Variants in PCM1 observed in about 807,000 individuals in gnomAD.
The protein encoded by PCM1 is pericentriolar material 1 protein.
PCM1 carries 157 observed loss-of-function variants against 241.9 expected under a neutral mutation model. That is an observed-to-expected ratio of 0.65 (90% CI 0.57 to 0.74). The LOEUF is 0.74. Among genes scored for constraint, PCM1 ranks in the 30% least tolerant of loss-of-function variants. The pLI is 0.00. For missense variants in PCM1, 3,478 were observed against 2,360.1 expected (o/e 1.47, Z -9.81); for synonymous variants, 1,085 against 784.9 (o/e 1.38, Z -6.39).
chr8:17,966,120 G>C lies in PCM1; in HGVS notation c.2977G>C (p.Val993Leu), dbSNP rs764474551. Reference sequence around the variant, plus strand: ...TCGTTGGGTGTCAGAGCTCTCTTACGTAGAAGAGAAAGAACAATGGCAAGA... The same window carrying C: ...TCGTTGGGTGTCAGAGCTCTCTTACCTAGAAGAGAAAGAACAATGGCAAGA... ...NLRWVSELSYVEEKEQWQEQI... is the reference protein window; with the variant it reads ...NLRWVSELSYLEEKEQWQEQI... The change falls in exon 19 of 39, where the codon GTA (valine) becomes CTA (leucine). Residue 993 changes from valine (V) to leucine (L), a missense_variant. Physicochemically the swap from Val to Leu is conservative, Grantham distance 32 (BLOSUM62 1). Transcript: ENST00000325083. 2 of 1,612,546 alleles carry C rather than the reference G, an allele frequency of 1.2e-6. No homozygotes were observed. Among genetic ancestry groups the C allele is most frequent in the Non-Finnish European group, 1.7e-6 (2 of 1,178,606 alleles).
intron 38 of PCM1, among the ~76,000 whole-genome samples, chr8:18,026,904 T>TA (rs2094266250): frequency 6.6e-6 from 1 of 152,216 alleles, no homozygotes. Context: ...GTTTTCGTAA[T>TA]ATAATTAAAT....
At chr8:17,930,646 A>G (rs1359214272) in intron 2 of PCM1, among the ~76,000 whole-genome samples, 4 of 151,706 alleles carry the variant, frequency 2.6e-5, no homozygotes, top group Admixed American at 2.0e-4. Flanking sequence ...TGGGAGGCCG[A>G]GGCGGGCGGA....
intron 38 of PCM1, among the ~76,000 whole-genome samples, chr8:18,026,786 A>T (rs891368486): frequency 6.6e-6 from 1 of 151,932 alleles, no homozygotes; most frequent in Non-Finnish European, 1.5e-5. Context: ...TGTTCCATCA[A>T]CTTTGGTCAT....
At chr8:17,958,742 G>C (rs1182515738) in intron 13 of PCM1, among the ~76,000 whole-genome samples, 1 of 151,958 alleles carries the variant, frequency 6.6e-6, no homozygotes, top group Non-Finnish European at 1.5e-5. Context: ...ATTTTTTGGG[G>C]ACAAGGTCTT....
In PCM1 at chr8:17,950,153, A is replaced by G. The variant is rs137950539; in HGVS notation, c.962-462A>G. ...GTTGGGTGGTCGAGACAAAAACTGT[A>G]TTTCCCACAAAGTTTAACATATTTA... On this transcript the variant is annotated intron_variant, in intron 7 of 38. Coordinates refer to ENST00000325083, the MANE Select transcript of PCM1 (RefSeq NM_006197.4). 1.8e-4 allele frequency among the ~76,000 whole-genome samples: 28 copies of G among 152,258 alleles called. No individual in the cohort carries two copies. In the East Asian group the frequency reaches 4.1e-3, roughly 22 times the overall value.
chr8:17,960,887 A>G (rs2071536939), intron 15 of PCM1, among the ~76,000 whole-genome samples: 1 of 152,150 alleles, frequency 6.6e-6, no homozygotes, highest in Non-Finnish European at 1.5e-5. Flanking sequence ...GGATGAACTA[A>G]TGAAGAGTTG....
At chr8:17,928,655 G>C (rs566773) in intron 2 of PCM1, among the ~76,000 whole-genome samples, 2 of 132,542 alleles carry the variant, frequency 1.5e-5, no homozygotes, top group African/African-American at 5.8e-5. Flanking sequence ...AAAGTGAGGC[G>C]GAGTTTCTCT....
intron 28 of PCM1, 37 bp from the exon 29 acceptor site, chr8:17,993,446 C>T (rs2085499762): frequency 3.4e-6 from 5 of 1,458,242 alleles, no homozygotes; most frequent in Non-Finnish European, 1.8e-6. Context: ...ATATAATAGG[C>T]TTTGTTAGGC....
intron 4 of PCM1, 25 bp from the exon 5 acceptor site, chr8:17,938,715 G>A (rs1229631548): frequency 2.8e-5 from 45 of 1,581,550 alleles, no homozygotes; most frequent in Non-Finnish European, 3.7e-5. Flanking sequence ...ATGTTTGTGT[G>A]ATTTGATTTC....
At position 17,940,959 on chromosome 8, in the gene PCM1, C is replaced by T. The variant is rs547867246; in HGVS notation, c.783+1098C>T. On this transcript the variant is annotated intron_variant, in intron 6 of 38. Coordinates refer to ENST00000325083, the MANE Select transcript of PCM1 (RefSeq NM_006197.4). ...TTCGGGTTTTGAGGTGTTCAAAATG[C>T]CATTCAGCATTAGGAATTTGAAGGT... is the stretch of plus-strand genomic sequence containing the variant. Among the ~76,000 whole-genome samples the T allele has an allele frequency of 1.1e-4, 17 of 152,166 alleles. No individual in the cohort carries two copies. The East Asian group carries it at 3.3e-3, about 29-fold the overall frequency.
At chr8:17,988,339 A>G (rs758772496) in intron 26 of PCM1, among the ~76,000 whole-genome samples, 7 of 151,956 alleles carry the variant, frequency 4.6e-5, no homozygotes, top group Non-Finnish European at 8.9e-5. Context: ...AAAGAACACA[A>G]CTGTAAAATG....
intron 29 of PCM1, among the ~76,000 whole-genome samples, chr8:17,995,466 A>G (rs1261593290): frequency 6.6e-6 from 1 of 151,326 alleles, no homozygotes. Context: ...TTTGGTTACT[A>G]TAGCTCTGTG....
Position 17,961,784 on chromosome 8 carries a change from A to G in PCM1, c.2323-250A>G, listed in dbSNP as rs1305373518. Among the ~76,000 whole-genome samples the G allele has an allele frequency of 1.3e-5, 2 of 152,172 alleles. 1 individual carries two copies. On this transcript the variant is annotated intron_variant, in intron 15 of 38. Coordinates refer to ENST00000325083, the MANE Select transcript of PCM1 (RefSeq NM_006197.4). The stretch of plus-strand genomic sequence containing the variant: ...TGTTGCAAAGGTGGGTTAAGTATAC[A>G]AAATTTTCCATTATGTTTTATCCCT...
chr8:17,927,261 G>A (rs1442457458), intron 2 of PCM1: 1 of 151,354 alleles, frequency 6.6e-6, no homozygotes, highest in African/African-American at 2.4e-5. Context: ...CTACCAAACA[G>A]CTGGGATTAC....
chr8:17,950,506 C>T (rs1057451502), intron 7 of PCM1, 109 bp from the exon 8 acceptor site: 50 of 622,956 alleles, frequency 8.0e-5, no homozygotes, highest in African/African-American at 3.7e-5. Flanking sequence ...TTTCAAGTTA[C>T]GTATGTGAGC....
intron 36 of PCM1, among the ~76,000 whole-genome samples, chr8:18,018,579 G>A (rs762079378): frequency 4.9e-4 from 74 of 151,986 alleles, no homozygotes; most frequent in Admixed American, 7.2e-4. Flanking sequence ...TTGGGAGGCC[G>A]AGGCGGGCGG....
At chr8:17,948,090 C>G (rs954496597) in intron 7 of PCM1, among the ~76,000 whole-genome samples, 2 of 151,952 alleles carry the variant, frequency 1.3e-5, no homozygotes, top group Non-Finnish European at 2.9e-5. Flanking sequence ...ATAGTCTATC[C>G]CCCACTGTCT....
chr8:17,982,837 C>G (rs2081352727), intron 24 of PCM1, among the ~76,000 whole-genome samples: 1 of 151,982 alleles, frequency 6.6e-6, no homozygotes, highest in South Asian at 2.1e-4. Flanking sequence ...CCTAAAATTC[C>G]TTATAGCATG....
intron 23 of PCM1, among the ~76,000 whole-genome samples, chr8:17,973,735 T>C (rs574189038): frequency 1.5e-4 from 22 of 151,110 alleles, no homozygotes; most frequent in Middle Eastern, 3.5e-3. Context: ...AAAAAAAAAT[T>C]GGTGTTTAAG....
Sources: gnomAD v4.1 joint callset for allele counts (sites outside exome capture counted in the v4.1 genomes callset) on GRCh38, gnomAD v4.1.1 for gene constraint, MANE v1.5 for transcripts, NCBI Gene and HGNC (gene_info 2026-07-23, HGNC 2026-07-21) for gene names.